CHD2: variants seen among roughly 807,000 people sequenced by gnomAD.
CHD2 encodes the protein chromodomain helicase DNA binding protein 2.
CHD2 carries 28 observed loss-of-function variants against 243.9 expected under a neutral mutation model. That is an observed-to-expected ratio of 0.11 (90% CI 0.09 to 0.16). The LOEUF (loss-of-function observed/expected upper bound fraction) is 0.16. Among genes scored for constraint, CHD2 ranks in the 10% least tolerant of loss-of-function variants. The probability of loss-of-function intolerance (pLI) is 1.00; values close to 1 mark genes in which losing one functional copy is unlikely to be tolerated. For missense variants in CHD2, 1,386 were observed against 2,209.8 expected, an observed-to-expected ratio of 0.63 and a Z score of 7.47; for synonymous variants, 775 against 779.0, an observed-to-expected ratio of 0.99 and a Z score of 0.09.
At chr15:92,971,645 T>G in intron 17 of CHD2, 120 bp from the exon 18 acceptor site, 1 of 716,152 alleles carries the variant, frequency 1.4e-6, no homozygotes, top group Admixed American at 3.8e-5. Context: ...CTTTGCTTCT[T>G]AAACTTTTTT....
Position 92,937,514 on chromosome 15 carries a change from A to G in CHD2, c.444-4A>G, listed in dbSNP as rs369479687. On this transcript the variant is annotated splice_region_variant and splice_polypyrimidine_tract_variant and intron_variant, in intron 5 of 38. Transcript: ENST00000394196. ...AAATTACTTTGTTTTGCTTTTGATC[A>G]CAGAGAAAAATGGAAACAGGAACCC... 2.5e-6 allele frequency: 4 copies of G among 1,596,576 alleles called. No homozygotes were observed. The highest frequency in any genetic ancestry group is 1.1e-5 in the South Asian group (1 of 88,054).
At chr15:92,920,565 T>C (rs1260500972) in intron 2 of CHD2, among the ~76,000 whole-genome samples, 1 of 152,222 alleles carries the variant, frequency 6.6e-6, no homozygotes, top group East Asian at 1.9e-4. Flanking sequence ...TGGGCTGTTC[T>C]AGTTATCTTC....
intron 28 of CHD2, among the ~76,000 whole-genome samples, chr15:92,994,790 G>A (rs1010570331): frequency 2.0e-5 from 3 of 152,112 alleles, no homozygotes; most frequent in Non-Finnish European, 4.4e-5. Context: ...TTGTGGAGCT[G>A]TTTTCTTAAC....
In CHD2 at chr15:92,955,467, G is replaced by A. The variant is rs139263117; in HGVS notation, c.1764G>A (p.Lys588=). The part of the protein sequence containing the change: ...EWIHSQTKRL[K]FNALITTYEI... ...TTCATTCCCAAACCAAAAGATTGAA[G>A]TTCAACGCACTTATAACAACATATG... The change falls in exon 15 of 39, where the codon AAG becomes AAA. Residue 588 remains lysine, a synonymous_variant. Transcript: ENST00000394196. 73 of 1,598,078 alleles carry A rather than the reference G, an allele frequency of 4.6e-5. No homozygotes were observed. The highest frequency in any genetic ancestry group is 5.5e-5 in the Non-Finnish European group (65 of 1,174,420).
chr15:92,916,776 T>C (rs2052845686), intron 2 of CHD2, among the ~76,000 whole-genome samples: 1 of 152,150 alleles, frequency 6.6e-6, no homozygotes, highest in African/African-American at 2.4e-5. Context: ...ATTGTCTCAG[T>C]CTCCTGACCT....
rs61334597 is a variant in CHD2 at position 92,997,538 on chromosome 15, A to G, written c.3885+135A>G. 3,319 of 779,806 alleles carry G rather than the reference A, an allele frequency of 4.3e-3. 149 individuals carry two copies. The Admixed American group carries it at 0.086, about 20-fold the overall frequency. 48.3% of individuals were successfully genotyped at this position (779,806 alleles called of 1,614,324 possible). A position where few individuals can be genotyped will look rare whatever the true frequency, so the allele number is the denominator to read the frequency against. ...TATAGTCATTCTTGGAAATACTTCC[A>G]TCTTTAGCAGATTGTGGCACTGTTT... is the stretch of plus-strand genomic sequence containing the variant. On this transcript the variant is annotated intron_variant, in intron 30 of 38. Coordinates refer to ENST00000394196, the MANE Select transcript of CHD2 (RefSeq NM_001271.4). This position sits in a 1 kb window ranked among gnomAD's most constrained non-coding sequence, Gnocchi z 4.1.
chr15:92,903,154 G>A (rs2141700078), intron 2 of CHD2, among the ~76,000 whole-genome samples: 1 of 152,290 alleles, frequency 6.6e-6, no homozygotes, highest in African/African-American at 2.4e-5. Context: ...CTTAATACAT[G>A]TACATAATTA....
intron 15 of CHD2, 139 bp downstream of exon 15, chr15:92,955,651 C>T (rs2053609080): frequency 6.2e-6 from 3 of 487,590 alleles, no homozygotes; most frequent in Non-Finnish European, 1.1e-5. Flanking sequence ...AGGGTCTGTA[C>T]CTCCTACTTG....
chr15:92,936,424 A>G (rs1490249386), intron 5 of CHD2, among the ~76,000 whole-genome samples: 2 of 152,202 alleles, frequency 1.3e-5, no homozygotes, highest in African/African-American at 4.8e-5. Context: ...CATGCCTAGC[A>G]GCTATTACAT....
In CHD2 at chr15:92,937,572, A is replaced by G; in HGVS notation, c.498A>G (p.Ala166=). 1.2e-6 allele frequency: 2 copies of G among 1,613,858 alleles called. No homozygotes were observed. The highest frequency in any genetic ancestry group is 4.5e-5 in the East Asian group (2 of 44,870). Residue 166 remains alanine (A), a synonymous_variant, in exon 6 of 39, where the codon GCA becomes GCG. Transcript: ENST00000394196. ...ATGAACAGGAACAAGGCACCAGTGC[A>G]GAGAGTGAGCCAGAACAAAAAAAAG... ...SEDEQEQGTS[A]ESEPEQKKVK...
chr15:92,947,235 G>T (rs1482311016), intron 12 of CHD2: 1 of 152,250 alleles, frequency 6.6e-6, no homozygotes, highest in Non-Finnish European at 1.5e-5. Context: ...CAATGTAGAA[G>T]TCTCTGAGCT....
intron 28 of CHD2, among the ~76,000 whole-genome samples, chr15:92,996,019 T>C (rs911427048): frequency 6.6e-6 from 1 of 152,206 alleles, no homozygotes; most frequent in African/African-American, 2.4e-5. Flanking sequence ...TCTATTCATG[T>C]GTGCTGCCCA....
At chr15:92,978,478 GT>G (rs1447723890) in intron 21 of CHD2, 95 bp downstream of exon 21, 1 of 1,324,944 alleles carries the variant, frequency 7.5e-7, no homozygotes, top group Non-Finnish European at 1.0e-6. Context: ...CTTTTTCCCT[GT>G]TTTGCTTTTA....
chr15:92,910,518 G>A lies in CHD2; in HGVS notation c.62+9219G>A, dbSNP rs543691789. Among the ~76,000 whole-genome samples the A allele has an allele frequency of 1.1e-4, 16 of 152,152 alleles. 1 individual carries two copies. Among genetic ancestry groups the A allele is most frequent in the South Asian group, 1.0e-3 (5 of 4,812 alleles). ...AGCGATTGTTCTGCATCAGCCTCCCGAGTGGTTGGGATCACAGGCGTTTGC... is the reference window on the plus strand; with the variant it reads ...AGCGATTGTTCTGCATCAGCCTCCCAAGTGGTTGGGATCACAGGCGTTTGC... On this transcript the variant is annotated intron_variant, in intron 2 of 38. Transcript: ENST00000394196.
rs1389459652 is a variant in CHD2 at position 93,026,507 on chromosome 15, C to G, written c.*1802C>G. Reference sequence around the variant, plus strand: ...GTGTTGAGAGCTCAGTGGACCCACCCCGCTTGCTGAACCCTCACAGTTCTT... The same window carrying G: ...GTGTTGAGAGCTCAGTGGACCCACCGCGCTTGCTGAACCCTCACAGTTCTT... On this transcript the variant is annotated 3_prime_UTR_variant, in exon 39 of 39. Coordinates refer to ENST00000394196, the MANE Select transcript of CHD2 (RefSeq NM_001271.4). 6.6e-6 allele frequency: 1 copy of G among 152,280 alleles called. No homozygotes were observed. Among genetic ancestry groups the G allele is most frequent in the Admixed American group, 6.5e-5 (1 of 15,284 alleles). The allele number at this position is 152,280 out of a possible 1,614,324, so 9.4% of individuals were successfully genotyped here.
In CHD2 at chr15:93,014,741, C is replaced by G. The variant is rs1480589402; in HGVS notation, c.4738C>G (p.Arg1580Gly). The G allele has an allele frequency of 6.2e-7, 1 of 1,614,144 alleles. No individual in the cohort carries two copies. The highest frequency in any genetic ancestry group is 1.7e-5 in the Admixed American group (1 of 60,020). Reference protein sequence around the residue: ...DDVTGGKKPFRPEASGSSRDS... With the variant: ...DDVTGGKKPFGPEASGSSRDS... ...CGTGACTGGGGGTAAGAAACCATTT[C>G]GTCCAGAGGCCTCAGGCTCCAGCCG... Residue 1580 changes from arginine (R) to glycine (G), a missense_variant, in exon 37 of 39, where the codon CGT (arginine) becomes GGT (glycine). Transcript: ENST00000394196.
At chr15:92,992,823 G>T (rs920679471) in intron 27 of CHD2, 36 bp from the exon 28 acceptor site, 2 of 1,605,138 alleles carry the variant, frequency 1.2e-6, no homozygotes, top group African/African-American at 2.7e-5. Flanking sequence ...AGTGGGCACA[G>T]GGTCCTAAAG....
At chr15:92,996,025 G>A (rs921913698) in intron 28 of CHD2, among the ~76,000 whole-genome samples, 1 of 152,094 alleles carries the variant, frequency 6.6e-6, no homozygotes, top group African/African-American at 2.4e-5. Flanking sequence ...CATGTGTGCT[G>A]CCCATTTTCT....
chr15:93,002,800 T>G (rs889162180), intron 33 of CHD2, among the ~76,000 whole-genome samples: 5 of 152,222 alleles, frequency 3.3e-5, no homozygotes, highest in African/African-American at 1.2e-4. Flanking sequence ...CCAAAGAATT[T>G]GGTACAGTGT....
Sources: gnomAD v4.1 joint callset for allele counts (sites outside exome capture counted in the v4.1 genomes callset) on GRCh38, gnomAD v4.1.1 for gene constraint, Gnocchi (gnomAD v3.1) non-coding constraint, MANE v1.5 for transcripts, NCBI Gene and HGNC (gene_info 2026-07-23, HGNC 2026-07-21) for gene names.